PAMR1: variants seen among roughly 807,000 people sequenced by gnomAD.
PAMR1 encodes the protein peptidase domain containing associated with muscle regeneration 1.
In PAMR1, 88 loss-of-function variants were observed where a neutral mutation model predicts 81.8. That is an observed-to-expected ratio of 1.08 (90% confidence interval 0.91 to 1.28). The LOEUF is 1.28. PAMR1 is among the 50% of genes most tolerant of loss of function. The pLI, the probability that PAMR1 is intolerant of heterozygous loss-of-function variation, is 0.00. For missense variants in PAMR1, 935 were observed against 919.7 expected (o/e 1.02, Z -0.21); for synonymous variants, 336 against 345.3 (o/e 0.97, Z 0.30).
intron 9 of PAMR1, among the ~76,000 whole-genome samples, chr11:35,435,059 T>C (rs966644408): frequency 6.6e-6 from 1 of 152,164 alleles, no homozygotes; most frequent in South Asian, 2.1e-4. Context: ...CAATAGAACT[T>C]TGGGCAAGTT....
intron 7 of PAMR1, 97 bp from the exon 8 acceptor site, chr11:35,439,790 C>T: frequency 9.9e-7 from 1 of 1,006,466 alleles, no homozygotes; most frequent in Non-Finnish European, 1.6e-6. Flanking sequence ...TTCTGGACAC[C>T]AGGTGCCCAT....
Position 35,432,738 on chromosome 11 carries a change from G to A in PAMR1, c.1781C>T (p.Ser594Phe), listed in dbSNP as rs554767403. The A allele has an allele frequency of 1.3e-5, 21 of 1,614,100 alleles. No homozygotes were observed. The highest frequency in any genetic ancestry group is 1.7e-5 in the Admixed American group (1 of 60,036). The change falls in exon 11 of 11, where the codon TCC (serine) becomes TTC (phenylalanine). Residue 594 changes from serine to phenylalanine, a missense_variant. Transcript: ENST00000619888. ...SRDLSTSFQE[S>F]HITVAGWNVL... ...ATTCCAGCCAGCCACAGTGATGTGG[G>A]ACTCCTGGAAGGAAGTGCTGAGATC...
At chr11:35,521,982 G>A (rs988028228) in intron 1 of PAMR1, among the ~76,000 whole-genome samples, 1 of 151,910 alleles carries the variant, frequency 6.6e-6, no homozygotes, top group Non-Finnish European at 1.5e-5. Flanking sequence ...GAGTGCAGTG[G>A]CGCGATCTTG....
At position 35,512,819 on chromosome 11, in the gene PAMR1, C is replaced by A. The variant is rs183985693; in HGVS notation, c.73+12694G>T. On this transcript the variant is annotated intron_variant, in intron 1 of 10. Coordinates refer to ENST00000619888, the MANE Select transcript of PAMR1 (RefSeq NM_001001991.3). ...ACCAGCCTGGACAGCACAGCGAGAC[C>A]CCATCTTTTAAAAATATAAAAATTA... 2.0e-4 allele frequency among the ~76,000 whole-genome samples: 30 copies of A among 152,090 alleles called. No homozygotes were observed. The Middle Eastern group carries it at 0.014, about 69-fold the overall frequency.
chr11:35,492,831 A>C (rs1012893084), intron 2 of PAMR1, among the ~76,000 whole-genome samples: 8 of 152,224 alleles, frequency 5.3e-5, no homozygotes, highest in African/African-American at 1.9e-4. Context: ...AACAAGGACC[A>C]GTTTAAAAAC....
At position 35,442,036 on chromosome 11, in the gene PAMR1, A is replaced by G. The variant is rs548504060; in HGVS notation, c.821-343T>C. 2.6e-5 allele frequency among the ~76,000 whole-genome samples: 4 copies of G among 152,292 alleles called. No individual in the cohort carries two copies. In the East Asian group the frequency reaches 7.7e-4, roughly 29 times the overall value. ...CACCTAAATTTTATTATCGGTATAC[A>G]AGGATTATTGTTTTTCAGTGTTGTT... On this transcript the variant is annotated intron_variant, in intron 6 of 10. Coordinates refer to ENST00000619888, the MANE Select transcript of PAMR1 (RefSeq NM_001001991.3).
Position 35,505,065 on chromosome 11 carries a change from G to T in PAMR1, c.74-10793C>A, listed in dbSNP as rs564054259. Among the ~76,000 whole-genome samples, 433 of 151,960 alleles carry T rather than the reference G, an allele frequency of 2.8e-3. 4 individuals are homozygous for T. The highest frequency in any genetic ancestry group is 1.0e-2 in the African/African-American group (414 of 41,506). ...GTATGTTGTATTTCCATTTTGATTT[G>T]TTTGAAGAAATTTTTAAATTTCTTT... On this transcript the variant is annotated intron_variant, in intron 1 of 10. Transcript: ENST00000619888.
chr11:35,509,497 G>A (rs1398508157), intron 1 of PAMR1, among the ~76,000 whole-genome samples: 2 of 152,110 alleles, frequency 1.3e-5, no homozygotes. Context: ...ATTATTGAAT[G>A]TTTTCCTGTA....
At chr11:35,458,249 G>A (rs1856575045) in intron 6 of PAMR1, among the ~76,000 whole-genome samples, 2 of 152,208 alleles carry the variant, frequency 1.3e-5, no homozygotes, top group African/African-American at 2.4e-5. Flanking sequence ...AATCAGCAAT[G>A]GTTGCACCCC....
intron 3 of PAMR1, among the ~76,000 whole-genome samples, chr11:35,489,785 G>T (rs1850583286): frequency 6.6e-6 from 1 of 152,126 alleles, no homozygotes; most frequent in Non-Finnish European, 1.5e-5. Flanking sequence ...TTCACTTCCT[G>T]TCTGAAACCT....
intron 1 of PAMR1, among the ~76,000 whole-genome samples, chr11:35,517,522 G>A (rs1851187707): frequency 6.6e-6 from 1 of 152,036 alleles, no homozygotes; most frequent in African/African-American, 2.4e-5. Flanking sequence ...ATGGTATAAG[G>A]TAAAAAGACA....
At position 35,434,667 on chromosome 11, in the gene PAMR1, C is replaced by G. The variant is rs757673735; in HGVS notation, c.1471G>C (p.Gly491Arg). 1 of 1,614,118 alleles carries G rather than the reference C, an allele frequency of 6.2e-7. No individual in the cohort carries two copies. Among genetic ancestry groups the G allele is most frequent in the East Asian group, 2.2e-5 (1 of 44,884 alleles). ...HKGAWFLVCS[G>R]ALVNERTVVV... ...ACAGTGCGCTCATTCACCAGGGCACCGCTGCAGACTAGGAACCACGCTCCC... is the reference window on the plus strand; with the variant it reads ...ACAGTGCGCTCATTCACCAGGGCACGGCTGCAGACTAGGAACCACGCTCCC... The change falls in exon 10 of 11, where the codon GGT (glycine) becomes CGT (arginine). Residue 491 changes from glycine (G) to arginine (R), a missense_variant. Gly to Arg is a moderately radical substitution (Grantham distance 125, BLOSUM62 -2). Transcript: ENST00000619888.
chr11:35,528,571 TAAA>T (rs1851424758), upstream of PAMR1, among the ~76,000 whole-genome samples: 1 of 152,244 alleles, frequency 6.6e-6, no homozygotes, highest in Non-Finnish European at 1.5e-5. Flanking sequence ...CACAAGTTAA[TAAA>T]AAACTTTTGT....
intron 6 of PAMR1, among the ~76,000 whole-genome samples, chr11:35,454,799 C>T (rs1217400563): frequency 6.6e-6 from 1 of 152,166 alleles, no homozygotes; most frequent in Non-Finnish European, 1.5e-5. Flanking sequence ...GCCAGGTCCT[C>T]GTGAGAGGAC....
chr11:35,464,838 C>T (rs1434609440), intron 6 of PAMR1, among the ~76,000 whole-genome samples: 1 of 152,156 alleles, frequency 6.6e-6, no homozygotes, highest in East Asian at 1.9e-4. Flanking sequence ...AGAAAATCTA[C>T]TTCTATTCCA....
intron 6 of PAMR1, among the ~76,000 whole-genome samples, chr11:35,446,542 G>A (rs1045740085): frequency 7.9e-5 from 12 of 152,114 alleles, no homozygotes; most frequent in Non-Finnish European, 1.6e-4. Context: ...TTGTCTGTTT[G>A]TTCTCATTGG....
chr11:35,500,729 G>T (rs545311346), intron 1 of PAMR1, among the ~76,000 whole-genome samples: 1 of 152,306 alleles, frequency 6.6e-6, no homozygotes, highest in South Asian at 2.1e-4. Context: ...ACATCAGAGT[G>T]TATTTACACA....
At chr11:35,448,828 G>C (rs1787816413) in intron 6 of PAMR1, among the ~76,000 whole-genome samples, 1 of 152,040 alleles carries the variant, frequency 6.6e-6, no homozygotes, top group African/African-American at 2.4e-5. Context: ...GATTTTTGTG[G>C]GGTCTTTTTT....
intron 6 of PAMR1, among the ~76,000 whole-genome samples, chr11:35,447,691 G>T (rs1458548322): frequency 6.6e-6 from 1 of 152,194 alleles, no homozygotes; most frequent in Non-Finnish European, 1.5e-5. Context: ...TCATCGTGAT[G>T]CTCGCTGGTT....
Sources: allele counts gnomAD v4.1 joint callset (sites outside exome capture counted in the v4.1 genomes callset), GRCh38; gene constraint gnomAD v4.1.1; transcripts MANE v1.5; gene names NCBI Gene and HGNC (gene_info 2026-07-23, HGNC 2026-07-21).